Variants in CCDC74A observed in about 807,000 individuals in gnomAD.
CCDC74A encodes the protein coiled-coil domain-containing protein 74A.
In CCDC74A, 38 loss-of-function variants were observed where a neutral mutation model predicts 37.6. The observed-to-expected ratio is 1.01, with a 90% confidence interval of 0.78 to 1.33. The LOEUF (loss-of-function observed/expected upper bound fraction) is 1.33, where lower values mean the gene tolerates loss of function less well. Ranked by LOEUF, CCDC74A falls within the 40% of genes most tolerant of loss-of-function variation. CCDC74A has a pLI of 0.00. For missense variants in CCDC74A, 340 were observed against 403.4 expected (o/e 0.84, Z 1.35); for synonymous variants, 134 against 165.2 (o/e 0.81, Z 1.45).
At chr2:131,532,542 G>A (rs1681528045) in intron 4 of CCDC74A, 47 bp from the exon 5 acceptor site, 3 of 1,511,248 alleles carry the variant, frequency 2.0e-6, no homozygotes, top group Non-Finnish European at 1.8e-6. Context: ...TGGGTGGTTA[G>A]ACGCACCTGG....
intron 4 of CCDC74A, 116 bp from the exon 5 acceptor site, chr2:131,532,473 G>C: frequency 8.0e-7 from 1 of 1,243,192 alleles, no homozygotes; most frequent in Non-Finnish European, 1.1e-6. Flanking sequence ...CAGTGGGAGA[G>C]GGGAACCAGG....
chr2:131,529,713 G>T (rs1020329704), intron 2 of CCDC74A, 22 bp downstream of exon 2: 14 of 1,612,366 alleles, frequency 8.7e-6, no homozygotes, highest in Admixed American at 5.0e-5. Flanking sequence ...GCCCTTCAGT[G>T]ACTGATGGGA....
chr2:131,528,897 C>T (rs576593955), intron 1 of CCDC74A, among the ~76,000 whole-genome samples: 2 of 152,072 alleles, frequency 1.3e-5, no homozygotes, highest in African/African-American at 4.8e-5. Flanking sequence ...CTAAACACAT[C>T]GGATCAGGAG....
At chr2:131,529,424 G>A (rs1203097949) in intron 1 of CCDC74A, 1 of 695,452 alleles carries the variant, frequency 1.4e-6, no homozygotes, top group Non-Finnish European at 2.6e-6. Flanking sequence ...GGATGAGGCC[G>A]ATATGCCCGG....
chr2:131,529,608 G>A (rs1435483445), intron 1 of CCDC74A, 39 bp from the exon 2 acceptor site: 1 of 1,613,858 alleles, frequency 6.2e-7, no homozygotes, highest in South Asian at 1.1e-5. Context: ...AATAGCTGTG[G>A]TTTCACAAGT....
intron 3 of CCDC74A, 146 bp downstream of exon 3, chr2:131,530,973 T>C: frequency 9.3e-7 from 1 of 1,077,790 alleles, no homozygotes. Flanking sequence ...AAAAGAGCCC[T>C]GCAAGCTGAA....
upstream of CCDC74A, among the ~76,000 whole-genome samples, chr2:131,525,693 AT>A (rs1373983023): frequency 7.0e-6 from 1 of 143,562 alleles, no homozygotes; most frequent in Non-Finnish European, 1.5e-5. Context: ...GATTACAGAT[AT>A]AAACCACTAT....
chr2:131,527,431 T>G (rs1680389122), upstream of CCDC74A, among the ~76,000 whole-genome samples: 3 of 152,088 alleles, frequency 2.0e-5, no homozygotes, highest in Admixed American at 6.6e-5. Context: ...ATGCCCGGGT[T>G]TTTTTTCTTT....
intron 1 of CCDC74A, chr2:131,528,595 G>T: frequency 2.1e-6 from 2 of 934,318 alleles, no homozygotes; most frequent in Admixed American, 2.1e-5. Flanking sequence ...CGGATCACGA[G>T]GTCAGGAGAT....
upstream of CCDC74A, among the ~76,000 whole-genome samples, chr2:131,525,969 C>T (rs1185210435): frequency 4.0e-5 from 6 of 151,556 alleles, no homozygotes; most frequent in East Asian, 3.9e-4. Flanking sequence ...CCGCCCGCCT[C>T]GGCCTCCAAA....
chr2:131,529,815 G>A, intron 2 of CCDC74A, 124 bp downstream of exon 2: 1 of 1,543,498 alleles, frequency 6.5e-7, no homozygotes, highest in African/African-American at 1.4e-5. Context: ...TACAGGTTCT[G>A]GGGGACCTGG....
In CCDC74A at chr2:131,528,111, G is replaced by T; in HGVS notation, c.141G>T (p.Gln47His). 2 of 1,613,820 alleles carry T rather than the reference G, an allele frequency of 1.2e-6. No individual in the cohort carries two copies. Among genetic ancestry groups the T allele is most frequent in the South Asian group, 2.2e-5 (2 of 91,072 alleles). ...CGCAGCTCAGGCAGAGCGACCCGCA[G>T]AAACGGAACCTGGACCTGGAGAAAA... is the stretch of plus-strand genomic sequence containing the variant. ...QSPQLRQSDP[Q>H]KRNLDLEKSL... The change falls in exon 1 of 8, where the codon CAG becomes CAT. Residue 47 changes from glutamine to histidine, a missense_variant. Around this residue, in one of 3 missense-constraint regions of CCDC74A, gnomAD observed 154 missense variants for 153.9 expected, o/e 1.00. Coordinates refer to ENST00000409856, the MANE Select transcript of CCDC74A (RefSeq NM_001258306.3).
intron 2 of CCDC74A, chr2:131,530,096 A>G (rs1680974345): frequency 4.5e-6 from 7 of 1,550,214 alleles, no homozygotes; most frequent in Middle Eastern, 1.7e-4. Flanking sequence ...CTGGGGGCCC[A>G]GGGGCTCTGG....
chr2:131,526,760 T>G (rs1299337729), upstream of CCDC74A, among the ~76,000 whole-genome samples: 1 of 152,230 alleles, frequency 6.6e-6, no homozygotes, highest in Non-Finnish European at 1.5e-5. Context: ...CGCCATGTGT[T>G]CTGTTTGTTA....
chr2:131,533,350 G>T lies in CCDC74A; in HGVS notation c.891G>T (p.Lys297Asn). The change falls in exon 8 of 8, where the codon AAG becomes AAT. Residue 297 changes from lysine (K) to asparagine (N), a missense_variant. Physicochemically the swap from Lys to Asn is moderately conservative, Grantham distance 94. This residue lies in a region of CCDC74A where 185 missense variants were observed against 231.5 expected (regional missense o/e 0.80). Transcript: ENST00000409856. ...TPKNNFAERQ[K>N]RLQAMQKRRL... ...AGAACAACTTTGCCGAGAGGCAGAA[G>T]AGGCTGCAGGCAATGCAGAAACGGC... 6.2e-7 allele frequency: 1 copy of T among 1,613,558 alleles called. No homozygotes were observed. The highest frequency in any genetic ancestry group is 8.5e-7 in the Non-Finnish European group (1 of 1,179,982).
At chr2:131,528,576 C>T (rs879500532) in intron 1 of CCDC74A, 2 of 1,097,774 alleles carry the variant, frequency 1.8e-6, no homozygotes, top group Non-Finnish European at 2.7e-6. Context: ...TTTGGGAGGC[C>T]GAGACGGGCG....
At chr2:131,529,720 G>A (rs777504044) in intron 2 of CCDC74A, 29 bp downstream of exon 2, 2 of 1,611,752 alleles carry the variant, frequency 1.2e-6, no homozygotes. Flanking sequence ...AGTGACTGAT[G>A]GGATGCTCTT....
chr2:131,532,594 A>G lies in CCDC74A; in HGVS notation c.491A>G (p.Glu164Gly), dbSNP rs562111497. 6.3e-7 allele frequency: 1 copy of G among 1,576,424 alleles called. No individual in the cohort carries two copies. The highest frequency in any genetic ancestry group is 1.4e-5 in the African/African-American group (1 of 73,908). ...TGCTGCAATGACTGTTTCAGAAAGG[A>G]GAAAGCAGAGGCCTCTAATGCAGGA... ...VPGVQGQARK[E>G]KAEASNAGAA... The change falls in exon 5 of 8, where the codon GAG (glutamate) becomes GGG (glycine). Residue 164 changes from glutamate to glycine, a missense_variant. This residue lies in a region of CCDC74A where 185 missense variants were observed against 231.5 expected (regional missense o/e 0.80). Transcript: ENST00000409856.
chr2:131,529,764 C>T, intron 2 of CCDC74A, 73 bp downstream of exon 2: 2 of 1,585,488 alleles, frequency 1.3e-6, no homozygotes, highest in Non-Finnish European at 1.7e-6. Flanking sequence ...ACTGTCCTTG[C>T]CCACCTGGCT....
Sources: allele counts gnomAD v4.1 joint callset (sites outside exome capture counted in the v4.1 genomes callset), GRCh38; gene constraint gnomAD v4.1.1; regional missense constraint gnomAD v4.1.1; transcripts MANE v1.5; gene names NCBI Gene and HGNC (gene_info 2026-07-23, HGNC 2026-07-21).